Variants in CAST observed in about 807,000 individuals in gnomAD.
The protein encoded by CAST is calpastatin.
A neutral mutation model predicts 119.6 loss-of-function variants in CAST; 76 were observed. That is an observed-to-expected ratio of 0.64 (90% CI 0.53 to 0.77). CAST has a LOEUF of 0.77. Ranked by LOEUF, CAST falls within the 30% of genes least tolerant of loss-of-function variation. The pLI, the probability that CAST is intolerant of heterozygous loss-of-function variation, is 0.00. For missense variants in CAST, 953 were observed against 946.5 expected (o/e 1.01, Z -0.09); for synonymous variants, 319 against 331.6 (o/e 0.96, Z 0.41).
chr5:96,015,338 A>G, the CAST span, among the ~76,000 whole-genome samples: 1 of 152,142 alleles, frequency 6.6e-6, no homozygotes, highest in Admixed American at 6.5e-5. Flanking sequence ...AAGAATTTCT[A>G]CTATAAAACT....
chr5:96,434,376 C>T, the CAST span, among the ~76,000 whole-genome samples: 2 of 152,298 alleles, frequency 1.3e-5, no homozygotes, highest in African/African-American at 4.8e-5. Context: ...CTCTTCTGAG[C>T]ACCAAAGACC....
chr5:96,607,052 G>A (rs1408491676), intron 1 of CAST, among the ~76,000 whole-genome samples: 1 of 152,202 alleles, frequency 6.6e-6, no homozygotes, highest in East Asian at 1.9e-4. Context: ...ACTTTGGGAG[G>A]CCGAGGCGGG....
At chr5:96,208,104 A>T in the CAST span, among the ~76,000 whole-genome samples, 10 of 148,374 alleles carry the variant, frequency 6.7e-5, no homozygotes, top group African/African-American at 2.5e-4. Flanking sequence ...GTGTGCATAC[A>T]TGTGTTCATA....
intron 25 of CAST, chr5:96,763,149 A>T: frequency 1.3e-6 from 1 of 780,426 alleles, no homozygotes; most frequent in South Asian, 1.3e-5. Flanking sequence ...ATTCCGTTTG[A>T]TGTAGCATCA....
At chr5:96,120,836 C>T in the CAST span, among the ~76,000 whole-genome samples, 3 of 151,660 alleles carry the variant, frequency 2.0e-5, no homozygotes, top group East Asian at 3.9e-4. Context: ...CCTGGCCAGG[C>T]ATAATCCTGC....
At chr5:96,355,336 A>G in the CAST span, among the ~76,000 whole-genome samples, 2 of 152,234 alleles carry the variant, frequency 1.3e-5, no homozygotes, top group South Asian at 4.2e-4. Flanking sequence ...AGCTTCATCC[A>G]TGTCCCTGCA....
chr5:96,442,331 T>C, the CAST span, among the ~76,000 whole-genome samples: 1 of 152,232 alleles, frequency 6.6e-6, no homozygotes, highest in Non-Finnish European at 1.5e-5. Context: ...CTGAGAACAT[T>C]GCTTAGCCCA....
chr5:96,067,266 C>A, the CAST span, among the ~76,000 whole-genome samples: 2 of 152,128 alleles, frequency 1.3e-5, no homozygotes, highest in African/African-American at 4.8e-5. Flanking sequence ...TTTCCTTTTA[C>A]AATTTAATCT....
At chr5:96,620,931 G>A (rs1200130589) in intron 1 of CAST, among the ~76,000 whole-genome samples, 2 of 152,166 alleles carry the variant, frequency 1.3e-5, no homozygotes, top group African/African-American at 4.8e-5. Context: ...TGTGGTTTGA[G>A]TCCATCTAAG....
At chr5:96,511,814 G>A in the CAST span, among the ~76,000 whole-genome samples, 1 of 152,190 alleles carries the variant, frequency 6.6e-6, no homozygotes, top group Non-Finnish European at 1.5e-5. Context: ...AATCACCCTA[G>A]ATTTATCTGA....
At chr5:96,532,076 G>A (rs572519661) in intron 1 of CAST, among the ~76,000 whole-genome samples, 6 of 152,078 alleles carry the variant, frequency 3.9e-5, no homozygotes, top group Admixed American at 3.3e-4. Context: ...AACAAAGCAA[G>A]ACCTCCCCAT....
the CAST span, among the ~76,000 whole-genome samples, chr5:96,148,087 T>C: frequency 6.6e-6 from 1 of 152,324 alleles, no homozygotes; most frequent in African/African-American, 2.4e-5. Context: ...AGAGGGACTA[T>C]TGGTCACACA....
chr5:96,458,205 T>C, the CAST span, among the ~76,000 whole-genome samples: 6 of 152,252 alleles, frequency 3.9e-5, 1 homozygote, highest in South Asian at 1.2e-3. Flanking sequence ...ACAGAAAAAG[T>C]TAGAAAATTC....
the CAST span, among the ~76,000 whole-genome samples, chr5:96,421,569 G>A: frequency 1.3e-5 from 2 of 152,322 alleles, no homozygotes; most frequent in East Asian, 3.9e-4. Flanking sequence ...ATTGAGGGGA[G>A]GGATGGGCTC....
chr5:96,120,338 T>C, the CAST span, among the ~76,000 whole-genome samples: 1 of 152,118 alleles, frequency 6.6e-6, no homozygotes, highest in African/African-American at 2.4e-5. Flanking sequence ...TTGAGTGGAA[T>C]GGTGCAAAGC....
At chr5:96,016,751 C>T in the CAST span, among the ~76,000 whole-genome samples, 1 of 151,794 alleles carries the variant, frequency 6.6e-6, no homozygotes, top group African/African-American at 2.4e-5. Flanking sequence ...CTAGAAATTG[C>T]CCTTGATAAT....
intron 1 of CAST, among the ~76,000 whole-genome samples, chr5:96,593,856 A>G (rs923759450): frequency 6.6e-6 from 1 of 152,244 alleles, no homozygotes; most frequent in Non-Finnish European, 1.5e-5. Flanking sequence ...TCTTGGACTT[A>G]CAGCCTCCAG....
chr5:96,183,182 A>AATAAT, the CAST span, among the ~76,000 whole-genome samples: 1 of 146,482 alleles, frequency 6.8e-6, no homozygotes, highest in African/African-American at 2.5e-5. Flanking sequence ...TAATAATAAT[A>AATAAT]ATAATAATAA....
chr5:96,367,258 C>T, the CAST span, among the ~76,000 whole-genome samples: 24 of 152,142 alleles, frequency 1.6e-4, no homozygotes, highest in South Asian at 1.7e-3. Flanking sequence ...CCCAGTTAGG[C>T]TACTCGGGTG....
Sources: allele counts gnomAD v4.1 joint callset (sites outside exome capture counted in the v4.1 genomes callset), GRCh38; gene constraint gnomAD v4.1.1; transcripts MANE v1.5; gene names NCBI Gene and HGNC (gene_info 2026-07-23, HGNC 2026-07-21).